Variants in CSPP1 observed in about 807,000 individuals in gnomAD.
CSPP1 encodes centrosome and spindle pole-associated protein 1.
In CSPP1, 126 loss-of-function variants were observed where a neutral mutation model predicts 164.4. The ratio of observed to expected loss-of-function variants is 0.77; its 90% CI spans 0.66 to 0.89. The LOEUF is 0.89. Among genes scored for constraint, CSPP1 ranks in the 40% least tolerant of loss-of-function variants. CSPP1 has a pLI of 0.00. For missense variants in CSPP1, 1,395 were observed against 1,449.8 expected, an observed-to-expected ratio of 0.96 and a Z score of 0.61; for synonymous variants, 472 against 476.7, an observed-to-expected ratio of 0.99 and a Z score of 0.13.
rs59942429 is a variant in CSPP1 at position 67,137,418 on chromosome 8, T to G, written c.1828-38T>G. The G allele has an allele frequency of 2.2e-6, 3 of 1,339,728 alleles. No homozygotes were observed. In the South Asian group the frequency reaches 5.5e-5, roughly 25 times the overall value. 83.0% of individuals were successfully genotyped at this position (1,339,728 alleles called of 1,614,324 possible). A position where few individuals can be genotyped will look rare whatever the true frequency, so the allele number is the denominator to read the frequency against. ...TACTAACTTCTTGTATCAGAATACT[T>G]GTCAGCGTTTATTTTAAATATATCT... On this transcript the variant is annotated intron_variant, in intron 16 of 30. Transcript: ENST00000678616.
intron 16 of CSPP1, among the ~76,000 whole-genome samples, chr8:67,132,362 G>C (rs1053180618): frequency 3.9e-5 from 6 of 152,140 alleles, no homozygotes; most frequent in Non-Finnish European, 8.8e-5. Flanking sequence ...ATGGAATTGG[G>C]GTGGAAGAAG....
chr8:67,098,708 A>T (rs1303003344), intron 7 of CSPP1, among the ~76,000 whole-genome samples: 1 of 152,050 alleles, frequency 6.6e-6, no homozygotes, highest in African/African-American at 2.4e-5. Context: ...CTATTTAAAT[A>T]TAGTAATCCT....
chr8:67,174,486 G>C (rs1347825033), intron 25 of CSPP1: 2 of 152,198 alleles, frequency 1.3e-5, no homozygotes, highest in African/African-American at 4.8e-5. Flanking sequence ...TTCTTGGCCA[G>C]GCACAGTGGC....
intron 4 of CSPP1, among the ~76,000 whole-genome samples, chr8:67,087,602 A>G (rs1002659152): frequency 1.3e-5 from 2 of 152,236 alleles, no homozygotes; most frequent in African/African-American, 4.8e-5. Context: ...GATGGAAAGC[A>G]TAGAGTAAAG....
chr8:67,148,877 A>C (rs1825135935), intron 17 of CSPP1, among the ~76,000 whole-genome samples: 1 of 152,172 alleles, frequency 6.6e-6, no homozygotes, highest in South Asian at 2.1e-4. Context: ...TGCTGTGTGT[A>C]TTAGATATCT....
chr8:67,089,476 G>A (rs1373349543), intron 4 of CSPP1, among the ~76,000 whole-genome samples: 2 of 152,140 alleles, frequency 1.3e-5, no homozygotes, highest in Non-Finnish European at 2.9e-5. Context: ...CTTGATTTCT[G>A]TTCTTCCCAC....
intron 28 of CSPP1, among the ~76,000 whole-genome samples, chr8:67,183,548 A>G (rs1833567721): frequency 6.6e-6 from 1 of 152,250 alleles, no homozygotes; most frequent in African/African-American, 2.4e-5. Flanking sequence ...TTTCTAAATA[A>G]CGCATAGGTC....
intron 15 of CSPP1, among the ~76,000 whole-genome samples, chr8:67,129,550 A>G (rs1223034128): frequency 6.6e-6 from 1 of 152,218 alleles, no homozygotes; most frequent in African/African-American, 2.4e-5. Flanking sequence ...AGATGCAAAG[A>G]CTTGGATGTG....
At chr8:67,150,074 C>A in intron 18 of CSPP1, 139 bp downstream of exon 18, 1 of 801,684 alleles carries the variant, frequency 1.2e-6, no homozygotes, top group Non-Finnish European at 1.7e-6. Context: ...ACACACTATT[C>A]ATAAAGTGCC....
intron 9 of CSPP1, among the ~76,000 whole-genome samples, chr8:67,111,367 G>A (rs1029726036): frequency 1.3e-5 from 2 of 152,166 alleles, no homozygotes; most frequent in Admixed American, 6.6e-5. Context: ...ATTACATAGT[G>A]TACTGGATCT....
intron 29 of CSPP1, among the ~76,000 whole-genome samples, chr8:67,192,280 G>A (rs1836553009): frequency 6.6e-6 from 1 of 152,058 alleles, no homozygotes; most frequent in African/African-American, 2.4e-5. Context: ...TCGCCATGTT[G>A]GCCAGGCTGG....
intron 4 of CSPP1, among the ~76,000 whole-genome samples, chr8:67,087,199 T>C (rs1810589606): frequency 6.6e-6 from 1 of 151,952 alleles, no homozygotes; most frequent in African/African-American, 2.4e-5. Context: ...ATTAATAGAG[T>C]AGTAGAATAT....
At position 67,132,037 on chromosome 8, in the gene CSPP1, C is replaced by A. The variant is rs767206702; in HGVS notation, c.1784C>A (p.Ser595Tyr). The A allele has an allele frequency of 2.5e-6, 4 of 1,613,722 alleles. No homozygotes were observed. The Admixed American group carries it at 5.0e-5, about 20-fold the overall frequency. The change falls in exon 16 of 31, where the codon TCC (serine) becomes TAC (tyrosine). Residue 595 changes from serine to tyrosine, a missense_variant. Coordinates refer to ENST00000678616, the MANE Select transcript of CSPP1 (RefSeq NM_001382391.1). ...ATTTTTGAAGATAAACCGAAACCTT[C>A]CAAACAGTCACTTCAGTCTTACCAA... is the stretch of plus-strand genomic sequence containing the variant. ...GLIFEDKPKPSKQSLQSYQEA... is the reference protein window; with the variant it reads ...GLIFEDKPKPYKQSLQSYQEA...
intron 21 of CSPP1, among the ~76,000 whole-genome samples, chr8:67,160,380 G>A (rs549615252): frequency 2.0e-5 from 3 of 150,942 alleles, no homozygotes; most frequent in South Asian, 4.2e-4. Context: ...CAAGAGAATC[G>A]CCTGAACTTG....
At chr8:67,094,111 CCTGG>C (rs1812187383) in intron 6 of CSPP1, among the ~76,000 whole-genome samples, 1 of 79,798 alleles carries the variant, frequency 1.3e-5, no homozygotes, top group Admixed American at 2.1e-4. Context: ...CAGAGCGAGA[CCTGG>C]TCTGAAAAAA....
intron 1 of CSPP1, among the ~76,000 whole-genome samples, chr8:67,065,331 G>A (rs925495301): frequency 4.6e-5 from 7 of 152,130 alleles, no homozygotes; most frequent in African/African-American, 1.7e-4. Flanking sequence ...AGAGAGGCTA[G>A]CTCTCAAGAT....
At chr8:67,184,966 AGGT>A (rs1410873052) in intron 28 of CSPP1, among the ~76,000 whole-genome samples, 7 of 144,058 alleles carry the variant, frequency 4.9e-5, no homozygotes, top group Admixed American at 1.4e-4. Context: ...AAAAAAAAAA[AGGT>A]GGTGGGCACC....
rs1586593447 is a variant in CSPP1, at chr8:67,158,336, A to G, written c.2242-111A>G. On this transcript the variant is annotated intron_variant, in intron 19 of 30. Coordinates refer to ENST00000678616, the MANE Select transcript of CSPP1 (RefSeq NM_001382391.1). ...ACAGGAGACTGAAAAATTTAGGAAC[A>G]TGCAAAAAGAGGGTACAAGTGTTGA... 1.1e-5 allele frequency: 13 copies of G among 1,195,150 alleles called. No homozygotes were observed. In the East Asian group the frequency reaches 3.5e-4, roughly 33 times the overall value. 74.0% of individuals were successfully genotyped at this position (1,195,150 alleles called of 1,614,324 possible). A position where few individuals can be genotyped will look rare whatever the true frequency, so the allele number is the denominator to read the frequency against.
intron 4 of CSPP1, among the ~76,000 whole-genome samples, chr8:67,088,721 C>T (rs1810957933): frequency 6.6e-6 from 1 of 150,860 alleles, no homozygotes; most frequent in Admixed American, 6.6e-5. Context: ...ACGTTGAAAC[C>T]CCGTCTCTAC....
Sources: allele counts gnomAD v4.1 joint callset (sites outside exome capture counted in the v4.1 genomes callset), GRCh38; gene constraint gnomAD v4.1.1; transcripts MANE v1.5; gene names NCBI Gene and HGNC (gene_info 2026-07-23, HGNC 2026-07-21).